The following ATXN2 variants were observed in gnomAD, a reference collection of about 807,000 sequenced individuals.
ATXN2 encodes ataxin 2, also known as ataxin-2.
Under a neutral mutation model 138.6 loss-of-function variants are expected in ATXN2, and 37 were observed. The ratio of observed to expected loss-of-function variants is 0.27; its 90% CI spans 0.21 to 0.35. The LOEUF (loss-of-function observed/expected upper bound fraction) is 0.35. Among genes scored for constraint, ATXN2 ranks in the 10% least tolerant of loss-of-function variants. The pLI is 1.00. For missense variants in ATXN2, 1,216 were observed against 1,480.3 expected (o/e 0.82, Z 2.93); for synonymous variants, 549 against 543.7 (o/e 1.01, Z -0.13).
In ATXN2 at chr12:111,588,991, CAAAAA is replaced by C. The variant is rs58116265; in HGVS notation, c.251+9788_251+9792del. 1.2e-3 allele frequency among the ~76,000 whole-genome samples: 46 copies of C among 38,702 alleles called. No individual in the cohort carries two copies. In the South Asian group the frequency reaches 0.015, roughly 12 times the overall value. 25.4% of individuals were successfully genotyped at this position (38,702 alleles called of 152,430 possible). On this transcript the variant is annotated intron_variant, in intron 1 of 24. Coordinates refer to ENST00000673436, the MANE Select transcript of ATXN2 (RefSeq NM_001372574.1). ...GCCTGGGCGACAGAGCGAGATTTCT[CAAAAA>C]AAAAAAAAAAAAAAAAAAAAAAAAA...
Position 111,486,808 on chromosome 12 carries a change from T to A in ATXN2, c.2257A>T (p.Thr753Ser). The A allele has an allele frequency of 1.2e-6, 2 of 1,612,900 alleles. No individual in the cohort carries two copies. Among genetic ancestry groups the A allele is most frequent in the Non-Finnish European group, 1.7e-6 (2 of 1,179,110 alleles). ...KDAAEQVRKS[T>S]LNPNAKEFNP... ...AACTCCTTTGCATTGGGATTCAATG[T>A]TGATTTCCTAACTTGCCTAAAAAAA... is the stretch of plus-strand genomic sequence containing the variant. The change falls in exon 16 of 25, where the codon ACA (threonine) becomes TCA (serine). Residue 753 changes from threonine to serine, a missense_variant. Thr to Ser is a moderately conservative substitution (Grantham distance 58). Around this residue, in one of 4 missense-constraint regions of ATXN2, gnomAD observed 490 missense variants for 653.5 expected, o/e 0.75. Transcript: ENST00000673436.
At chr12:111,554,286 T>C (rs1014383796) in intron 2 of ATXN2, 69 bp from the exon 3 acceptor site, 5 of 1,131,698 alleles carry the variant, frequency 4.4e-6, no homozygotes, top group Non-Finnish European at 3.6e-6. Context: ...TCTAAAATGC[T>C]TGGGACCAGA....
Position 111,495,531 on chromosome 12 carries a change from G to A in ATXN2, c.1936-6751C>T, listed in dbSNP as rs898116710. On this transcript the variant is annotated intron_variant, in intron 14 of 24. Transcript: ENST00000673436. ...TGTATAATGATAAAGGGATCAATTC[G>A]GCAAGAGGTTATAACAAGTATAAAT... 2.0e-5 allele frequency among the ~76,000 whole-genome samples: 3 copies of A among 152,022 alleles called. No individual in the cohort carries two copies. The South Asian group carries it at 6.2e-4, about 32-fold the overall frequency.
In ATXN2 at chr12:111,478,403, CAAAT is replaced by C. The variant is rs200071981; in HGVS notation, c.2524+6858_2524+6861del. The stretch of plus-strand genomic sequence containing the variant: ...CCTGGGCAATAGAGTGAGATTCCAT[CAAAT>C]AAATAAATAAATAAATAAAATGGAA... On this transcript the variant is annotated intron_variant, in intron 18 of 24. Transcript: ENST00000673436. Among the ~76,000 whole-genome samples the C allele has an allele frequency of 2.2e-4, 33 of 151,800 alleles. No homozygotes were observed. The East Asian group carries it at 2.7e-3, about 13-fold the overall frequency.
intron 7 of ATXN2, among the ~76,000 whole-genome samples, chr12:111,520,437 G>A (rs950208576): frequency 4.5e-4 from 68 of 152,104 alleles, no homozygotes; most frequent in Non-Finnish European, 7.4e-5. Flanking sequence ...TGGATCACGA[G>A]GTGAAGAGAT....
Position 111,507,741 on chromosome 12 carries a change from T to C in ATXN2, c.1935+1808A>G, listed in dbSNP as rs184677089. On this transcript the variant is annotated intron_variant, in intron 14 of 24. Coordinates refer to ENST00000673436, the MANE Select transcript of ATXN2 (RefSeq NM_001372574.1). The stretch of plus-strand genomic sequence containing the variant: ...AAAAGGGGGAAAGGTGGGGAAAAGA[T>C]TGAGAAATCGGATGGTTGCTGCGTC... Among the ~76,000 whole-genome samples the C allele has an allele frequency of 3.3e-5, 5 of 152,336 alleles. No homozygotes were observed. In the East Asian group the frequency reaches 7.7e-4, roughly 23 times the overall value.
At chr12:111,459,959 C>T (rs1875439968) in intron 21 of ATXN2, among the ~76,000 whole-genome samples, 1 of 152,144 alleles carries the variant, frequency 6.6e-6, no homozygotes, top group Non-Finnish European at 1.5e-5. Flanking sequence ...TCAAGTGATC[C>T]GTCCATCTCG....
rs368623156 is a variant in ATXN2, at chr12:111,548,952, A to G, written c.571+3328T>C. Among the ~76,000 whole-genome samples the G allele has an allele frequency of 5.4e-4, 82 of 152,166 alleles. No homozygotes were observed. The East Asian group carries it at 9.8e-3, about 18-fold the overall frequency. ...TGGCCAGGCTGGTCTCGAACTCCTG[A>G]CCTCAAATGATCTGCCCACCTTGGT... On this transcript the variant is annotated intron_variant, in intron 5 of 24. Transcript: ENST00000673436.
rs1566037325 is a variant in ATXN2 at position 111,516,699 on chromosome 12, AT to A, written c.1166-337del. On this transcript the variant is annotated intron_variant, in intron 9 of 24. Coordinates refer to ENST00000673436, the MANE Select transcript of ATXN2 (RefSeq NM_001372574.1). The surrounding 1 kb of genome is among the most constrained non-coding windows in gnomAD (Gnocchi z 5.0). ...TCAGTAACTGGTTGTTTAAAGGAAT[AT>A]AACATACACTAGATAATTTCACATA... Among the ~76,000 whole-genome samples the A allele has an allele frequency of 6.6e-6, 1 of 152,218 alleles. No individual in the cohort carries two copies. The highest frequency in any genetic ancestry group is 1.5e-5 in the Non-Finnish European group (1 of 68,028).
chr12:111,555,714 T>A (rs752371036), intron 2 of ATXN2, among the ~76,000 whole-genome samples, 169 bp downstream of exon 2: 1 of 145,856 alleles, frequency 6.9e-6, no homozygotes, highest in African/African-American at 2.8e-5. Context: ...GTACATTTTA[T>A]ACAGAGTCAT....
chr12:111,490,779 G>A (rs1229275537), intron 14 of ATXN2, among the ~76,000 whole-genome samples: 2 of 152,148 alleles, frequency 1.3e-5, no homozygotes, highest in African/African-American at 2.4e-5. Flanking sequence ...AATGCAGTGT[G>A]GGGTGGAGAA....
chr12:111,591,644 AAAAT>A lies in ATXN2; in HGVS notation c.251+7136_251+7139del, dbSNP rs533338856. Reference sequence around the variant, plus strand: ...GACAGAGGGAGACCTTGACTCTAAAAAAATAAATAAAGGGAGAGGTGTAATAAAA... The same window carrying A: ...GACAGAGGGAGACCTTGACTCTAAAAAAATAAAGGGAGAGGTGTAATAAAA... On this transcript the variant is annotated intron_variant, in intron 1 of 24. Coordinates refer to ENST00000673436, the MANE Select transcript of ATXN2 (RefSeq NM_001372574.1). Among the ~76,000 whole-genome samples, 196 of 152,288 alleles carry A rather than the reference AAAAT, an allele frequency of 1.3e-3. No individual in the cohort carries two copies. The Middle Eastern group carries it at 0.014, about 11-fold the overall frequency.
At chr12:111,452,916 G>C in intron 24 of ATXN2, 76 bp from the exon 25 acceptor site, 1 of 1,244,954 alleles carries the variant, frequency 8.0e-7, no homozygotes, top group South Asian at 1.5e-5. Context: ...TGCAGCACAT[G>C]ATTGTAAACT....
chr12:111,553,032 G>T lies in ATXN2; in HGVS notation c.349-55C>A, dbSNP rs1882200861. 9.2e-6 allele frequency: 11 copies of T among 1,194,688 alleles called. 1 individual carries two copies. Among genetic ancestry groups the T allele is most frequent in the Non-Finnish European group, 1.3e-5 (11 of 864,330 alleles). The allele number at this position is 1,194,688 out of a possible 1,614,324, so 74.0% of individuals were successfully genotyped here. On this transcript the variant is annotated intron_variant, in intron 3 of 24. Transcript: ENST00000673436. Reference sequence around the variant, plus strand: ...AACAGTATACTACCCGGTCACCAGGGATATTTGTTTTCATTTTACTTTTTA... The same window carrying T: ...AACAGTATACTACCCGGTCACCAGGTATATTTGTTTTCATTTTACTTTTTA...
At chr12:111,455,733 A>G (rs10849949) in intron 23 of ATXN2, 154,191 of 486,358 alleles carry the variant, frequency 0.32, 34,777 homozygotes, top group East Asian at 0.89. Flanking sequence ...CTATATAGAC[A>G]TAGCAAAGCA....
intron 18 of ATXN2, among the ~76,000 whole-genome samples, chr12:111,480,265 A>G (rs1457094870): frequency 6.6e-6 from 1 of 152,234 alleles, no homozygotes; most frequent in East Asian, 1.9e-4. Context: ...TAAATTACAG[A>G]CTAATAAAAC....
intron 5 of ATXN2, among the ~76,000 whole-genome samples, chr12:111,535,545 C>G (rs1389898178): frequency 6.6e-6 from 1 of 151,870 alleles, no homozygotes; most frequent in African/African-American, 2.4e-5. Context: ...TCACTGGAAC[C>G]CGGGAGGCAG....
At chr12:111,497,117 T>C (rs4041274) in intron 14 of ATXN2, among the ~76,000 whole-genome samples, 2,494 of 152,098 alleles carry the variant, frequency 0.016, 97 homozygotes, top group Admixed American at 0.091. Context: ...CTTGAAGAAA[T>C]GGATAAATTC....
intron 1 of ATXN2, among the ~76,000 whole-genome samples, chr12:111,577,411 G>A (rs552106593): frequency 4.0e-4 from 60 of 151,848 alleles, no homozygotes; most frequent in South Asian, 1.0e-3. Flanking sequence ...GATTACAGGC[G>A]CCCGCCACCA....
Sources: gnomAD v4.1 joint callset for allele counts (sites outside exome capture counted in the v4.1 genomes callset) on GRCh38, gnomAD v4.1.1 for gene constraint, gnomAD v4.1.1 regional missense constraint, Gnocchi (gnomAD v3.1) non-coding constraint, MANE v1.5 for transcripts, NCBI Gene and HGNC (gene_info 2026-07-23, HGNC 2026-07-21) for gene names.